CNTNAP2: variants seen among roughly 807,000 people sequenced by gnomAD.
CNTNAP2 encodes the protein contactin associated protein 2, also known as contactin-associated protein-like 2.
In CNTNAP2, 98 loss-of-function variants were observed where a neutral mutation model predicts 155.2. The ratio of observed to expected loss-of-function variants is 0.63; its 90% CI spans 0.54 to 0.75. The LOEUF is 0.75. CNTNAP2 is among the 30% of genes least tolerant of loss of function. The probability of loss-of-function intolerance (pLI) is 0.00; values close to 1 mark genes in which losing one functional copy is unlikely to be tolerated. For synonymous variants in CNTNAP2, 651 were observed against 631.2 expected, an observed-to-expected ratio of 1.03 and a Z score of -0.47; for missense variants, 1,727 against 1,688.1, an observed-to-expected ratio of 1.02 and a Z score of -0.40.
intron 1 of CNTNAP2, among the ~76,000 whole-genome samples, chr7:146,713,668 G>A (rs541611608): frequency 1.5e-4 from 23 of 152,194 alleles, no homozygotes; most frequent in African/African-American, 5.5e-4. Context: ...TGTGATTCCA[G>A]ACAGTATATC....
At chr7:147,098,436 T>G (rs1800588924) in intron 4 of CNTNAP2, among the ~76,000 whole-genome samples, 1 of 152,244 alleles carries the variant, frequency 6.6e-6, no homozygotes, top group Non-Finnish European at 1.5e-5. Context: ...GGAAAGTTCC[T>G]GTATTGTTTT....
At position 148,194,919 on chromosome 7, in the gene CNTNAP2, T is replaced by C. The variant is rs560929929; in HGVS notation, c.3011-22369T>C. 1.0e-3 allele frequency among the ~76,000 whole-genome samples: 156 copies of C among 152,312 alleles called. 3 individuals are homozygous for C. The highest frequency in any genetic ancestry group is 6.8e-3 in the Middle Eastern group (2 of 294). ...CCCTCACAGACACACCCCAAAATTA[T>C]GTTTTACCAGTTATCTGGGCACCCT... On this transcript the variant is annotated intron_variant, in intron 18 of 23. Transcript: ENST00000361727.
At chr7:147,826,059 G>T (rs1260748114) in intron 13 of CNTNAP2, among the ~76,000 whole-genome samples, 2 of 152,136 alleles carry the variant, frequency 1.3e-5, no homozygotes, top group African/African-American at 4.8e-5. Flanking sequence ...GGAGTTGTAG[G>T]CATTCTCCTA....
intron 1 of CNTNAP2, among the ~76,000 whole-genome samples, chr7:146,361,001 G>T (rs543408862): frequency 2.4e-4 from 36 of 152,208 alleles, no homozygotes; most frequent in South Asian, 1.5e-3. Context: ...ATATAACATC[G>T]TGATGTTTAA....
intron 1 of CNTNAP2, among the ~76,000 whole-genome samples, chr7:146,408,151 A>T (rs888895924): frequency 4.3e-4 from 66 of 152,222 alleles, no homozygotes; most frequent in African/African-American, 1.6e-3. Flanking sequence ...TCTGGAAAAA[A>T]GTCACACAAA....
At chr7:147,279,365 G>T (rs1354279932) in intron 8 of CNTNAP2, among the ~76,000 whole-genome samples, 2 of 151,714 alleles carry the variant, frequency 1.3e-5, no homozygotes, top group African/African-American at 4.8e-5. Context: ...AAAGACGTTT[G>T]AATTCATTAT....
At chr7:146,718,840 T>C (rs1225459277) in intron 1 of CNTNAP2, among the ~76,000 whole-genome samples, 2 of 152,088 alleles carry the variant, frequency 1.3e-5, no homozygotes, top group Non-Finnish European at 2.9e-5. Context: ...CCTTTGACAG[T>C]TTTTTATTTG....
intron 9 of CNTNAP2, among the ~76,000 whole-genome samples, chr7:147,337,627 GTC>G (rs1403170202): frequency 6.6e-6 from 1 of 152,052 alleles, no homozygotes; most frequent in African/African-American, 2.4e-5. Flanking sequence ...TGATTCTAAG[GTC>G]TCTACAAATT....
At chr7:146,833,876 T>G (rs781708610) in intron 2 of CNTNAP2, among the ~76,000 whole-genome samples, 2 of 152,180 alleles carry the variant, frequency 1.3e-5, no homozygotes, top group Non-Finnish European at 2.9e-5. Flanking sequence ...ATAGAGATGT[T>G]TATCTTATTT....
intron 4 of CNTNAP2, among the ~76,000 whole-genome samples, chr7:147,085,994 C>A (rs1407479819): frequency 1.3e-5 from 2 of 151,758 alleles, no homozygotes; most frequent in Non-Finnish European, 2.9e-5. Context: ...CTTGGAGCCT[C>A]ATTGAAGCAC....
intron 3 of CNTNAP2, among the ~76,000 whole-genome samples, chr7:146,906,211 A>T (rs1461553689): frequency 6.6e-6 from 1 of 151,940 alleles, no homozygotes; most frequent in Non-Finnish European, 1.5e-5. Flanking sequence ...GCAAGGCGGC[A>T]GCGAGGCTGG....
chr7:148,352,305 A>AG (rs969387654), intron 21 of CNTNAP2, among the ~76,000 whole-genome samples: 21 of 152,354 alleles, frequency 1.4e-4, no homozygotes, highest in African/African-American at 5.1e-4. Context: ...TGTGATCTTA[A>AG]GGAGCAAGGC....
intron 8 of CNTNAP2, among the ~76,000 whole-genome samples, chr7:147,201,514 CACT>C (rs148665226): frequency 0.013 from 1,956 of 152,234 alleles, 40 homozygotes; most frequent in African/African-American, 0.045. Context: ...TCTGCAGTTA[CACT>C]ACTTAAGCAA....
At chr7:148,106,989 A>G (rs956055563) in intron 15 of CNTNAP2, among the ~76,000 whole-genome samples, 1 of 152,180 alleles carries the variant, frequency 6.6e-6, no homozygotes, top group Non-Finnish European at 1.5e-5. Context: ...TTACTCAGGC[A>G]TAAATAATAG....
chr7:148,027,218 T>A (rs1802391739), intron 15 of CNTNAP2, among the ~76,000 whole-genome samples: 1 of 152,338 alleles, frequency 6.6e-6, no homozygotes, highest in South Asian at 2.1e-4. Context: ...CTCTGAAAGA[T>A]CCCTTTCTCC....
At chr7:146,325,940 A>G (rs1801091011) in intron 1 of CNTNAP2, among the ~76,000 whole-genome samples, 2 of 152,282 alleles carry the variant, frequency 1.3e-5, no homozygotes, top group African/African-American at 4.8e-5. Context: ...AGCTTACTTT[A>G]CCAGTCTTCA....
At chr7:147,537,439 A>G (rs1799562986) in intron 11 of CNTNAP2, among the ~76,000 whole-genome samples, 1 of 152,210 alleles carries the variant, frequency 6.6e-6, no homozygotes, top group East Asian at 1.9e-4. Flanking sequence ...ATTTAATGTG[A>G]CATGTAATAT....
At chr7:148,292,774 A>G (rs959719165) in intron 21 of CNTNAP2, among the ~76,000 whole-genome samples, 2 of 152,140 alleles carry the variant, frequency 1.3e-5, no homozygotes, top group African/African-American at 4.8e-5. Flanking sequence ...TAGAATGAGG[A>G]CCAGAGAACA....
intron 13 of CNTNAP2, among the ~76,000 whole-genome samples, chr7:147,870,596 C>T (rs1376158622): frequency 6.6e-6 from 1 of 152,274 alleles, no homozygotes; most frequent in South Asian, 2.1e-4. Context: ...CATGCTCAAC[C>T]CCAATGCCAA....
Sources: gnomAD v4.1 joint callset for allele counts (sites outside exome capture counted in the v4.1 genomes callset) on GRCh38, gnomAD v4.1.1 for gene constraint, MANE v1.5 for transcripts, NCBI Gene and HGNC (gene_info 2026-07-23, HGNC 2026-07-21) for gene names.